Variants in COMTD1 observed in about 807,000 individuals in gnomAD.
COMTD1 encodes the protein catechol O-methyltransferase domain-containing protein 1.
A neutral mutation model predicts 33.6 loss-of-function variants in COMTD1; 35 were observed. That is an observed-to-expected ratio of 1.04 (90% CI 0.80 to 1.38). The LOEUF (loss-of-function observed/expected upper bound fraction) is 1.38. Among genes scored for constraint, COMTD1 ranks in the 40% most tolerant of loss-of-function variants. COMTD1 has a pLI of 0.00. For missense variants in COMTD1, 370 were observed against 363.4 expected, an observed-to-expected ratio of 1.02 and a Z score of -0.15; for synonymous variants, 160 against 176.8, an observed-to-expected ratio of 0.91 and a Z score of 0.75.
intron 6 of COMTD1, 77 bp from the exon 7 acceptor site, chr10:75,234,302 T>C: frequency 1.6e-6 from 2 of 1,218,014 alleles, no homozygotes; most frequent in Non-Finnish European, 2.2e-6. Context: ...GGCGGGGGAC[T>C]GGGAGGGAGG....
rs1381648403 is a variant in COMTD1, at chr10:75,235,617, A to C, written c.221T>G (p.Leu74Arg). 2 of 1,587,678 alleles carry C rather than the reference A, an allele frequency of 1.3e-6. No individual in the cohort carries two copies. Among genetic ancestry groups the C allele is most frequent in the South Asian group, 2.3e-5 (2 of 88,254 alleles). Residue 74 changes from leucine to arginine, a missense_variant and splice_region_variant, in exon 2 of 7, where the codon CTG becomes CGG. Coordinates refer to ENST00000372538, the MANE Select transcript of COMTD1 (RefSeq NM_144589.4). ...GTTTCCGTCCCGCGCCCTGCTGACC[A>C]GCCTCAGGCTTCGCAGCGCCGGGTG... ...REHPALRSLR[L>R]LTLEQPQGDS... is the part of the protein sequence containing the mutation.
Position 75,235,648 on chromosome 10 carries a change from G to GC in COMTD1, c.189dup (p.Arg64AlafsTer237). 1 of 1,595,530 alleles carries GC rather than the reference G, an allele frequency of 6.3e-7. No individual in the cohort carries two copies. ...AGGCTTCGCAGCGCCGGGTGCTCCC[G>GC]CATGGAGCGGCTCAGAAGATACTGC... On this transcript the variant is annotated frameshift_variant, in exon 2 of 7. Coordinates refer to ENST00000372538, the MANE Select transcript of COMTD1 (RefSeq NM_144589.4). LOFTEE classifies it high-confidence loss of function.
rs1842145777 is a variant in COMTD1, at chr10:75,233,846, T to C, written c.*227A>G. 3 of 1,170,916 alleles carry C rather than the reference T, an allele frequency of 2.6e-6. No homozygotes were observed. The highest frequency in any genetic ancestry group is 3.5e-6 in the Non-Finnish European group (3 of 864,472). 72.5% of individuals were successfully genotyped at this position (1,170,916 alleles called of 1,614,324 possible). ...CCTGCCAGCTGGAGGTTCCTGCAGTTGGGCCACAGACCTGGCGCCAGGGAG... is the reference window on the plus strand; with the variant it reads ...CCTGCCAGCTGGAGGTTCCTGCAGTCGGGCCACAGACCTGGCGCCAGGGAG... On this transcript the variant is annotated 3_prime_UTR_variant, in exon 7 of 7. Transcript: ENST00000372538.
chr10:75,235,882 A>G lies in COMTD1; in HGVS notation c.47T>C (p.Leu16Pro). The G allele has an allele frequency of 1.4e-6, 2 of 1,389,458 alleles. No homozygotes were observed. The highest frequency in any genetic ancestry group is 1.3e-5 in the South Asian group (1 of 78,808). 86.1% of individuals were successfully genotyped at this position (1,389,458 alleles called of 1,614,324 possible). A position where few individuals can be genotyped will look rare whatever the true frequency, so the allele number is the denominator to read the frequency against. The change falls in exon 1 of 7, where the codon CTG becomes CCG. Residue 16 changes from leucine to proline, a missense_variant. By Grantham distance (98) the Leu-to-Pro change is moderately conservative (BLOSUM62 -3). Transcript: ENST00000372538. ...GGCGGCGCCCAGTGCGGCTGAGCCCAGGGCCAGCGCGGCGGGCACGGAGAG... is the reference window on the plus strand; with the variant it reads ...GGCGGCGCCCAGTGCGGCTGAGCCCGGGGCCAGCGCGGCGGGCACGGAGAG... The part of the protein sequence containing the change: ...PRLSVPAALA[L>P]GSAALGAAFA...
In COMTD1 at chr10:75,234,981, C is replaced by A; in HGVS notation, c.459G>T (p.Glu153Asp). ...GRPLWRQAEA[E>D]HKIDLRLKPA... Reference sequence around the variant, plus strand: ...GCTTCAGCCGGAGGTCGATCTTGTGCTCCGCCTCGGCCTGCGGAGGGAGCG... The same window carrying A: ...GCTTCAGCCGGAGGTCGATCTTGTGATCCGCCTCGGCCTGCGGAGGGAGCG... The change falls in exon 5 of 7, where the codon GAG (glutamate) becomes GAT (aspartate). Residue 153 changes from glutamate (E) to aspartate (D), a missense_variant. By Grantham distance (45) the Glu-to-Asp change is conservative (BLOSUM62 2). Coordinates refer to ENST00000372538, the MANE Select transcript of COMTD1 (RefSeq NM_144589.4). The A allele has an allele frequency of 6.6e-7, 1 of 1,521,226 alleles. No homozygotes were observed. The highest frequency in any genetic ancestry group is 1.2e-5 in the South Asian group (1 of 80,512). The allele number at this position is 1,521,226 out of a possible 1,614,324, so 94.2% of individuals were successfully genotyped here. A position where few individuals can be genotyped will look rare whatever the true frequency, so the allele number is the denominator to read the frequency against.
Position 75,235,318 on chromosome 10 carries a change from G to T in COMTD1, c.277C>A (p.Leu93Ile). 6.3e-7 allele frequency: 1 copy of T among 1,594,624 alleles called. No homozygotes were observed. The change falls in exon 3 of 7, where the codon CTC becomes ATC. Residue 93 changes from leucine to isoleucine, a missense_variant. Leu to Ile is a conservative substitution (Grantham distance 5). Transcript: ENST00000372538. ...DSMMTCEQAQ[L>I]LANLARLIQA... ...ATGAGCCGCGCCAGGTTGGCCAAGA[G>T]CTGGGCCTGCTCGCAGGTCATCATA... is the stretch of plus-strand genomic sequence containing the variant.
Position 75,234,097 on chromosome 10 carries a change from T to A in COMTD1, c.765A>T (p.Gly255=), listed in dbSNP as rs1842149480. The A allele has an allele frequency of 6.2e-7, 1 of 1,613,894 alleles. No individual in the cohort carries two copies. Among genetic ancestry groups the A allele is most frequent in the Non-Finnish European group, 8.5e-7 (1 of 1,180,006 alleles). The change falls in exon 7 of 7, where the codon GGA becomes GGT. Residue 255 remains glycine, a synonymous_variant. Coordinates refer to ENST00000372538, the MANE Select transcript of COMTD1 (RefSeq NM_144589.4). ...VYISLLPLGD[G]LTLAFKI ...CCTAGATCTTGAAGGCCAAGGTGAG[T>A]CCATCGCCCAGGGGCAGGAGGCTGA...
At chr10:75,234,469 G>C (rs1162094240) in intron 6 of COMTD1, 141 bp downstream of exon 6, 42 of 1,301,992 alleles carry the variant, frequency 3.2e-5, no homozygotes, top group Non-Finnish European at 4.1e-5. Flanking sequence ...GAAAGCCTGG[G>C]TACCGGGGCC....
At chr10:75,235,019 C>A in intron 4 of COMTD1, 27 bp from the exon 5 acceptor site, 1 of 1,490,970 alleles carries the variant, frequency 6.7e-7, no homozygotes, top group Non-Finnish European at 8.9e-7. Context: ...TCAGCCGTTG[C>A]GCCCCCGCCT....
At position 75,234,189 on chromosome 10, in the gene COMTD1, C is replaced by CT. The variant is rs747259151; in HGVS notation, c.672dup (p.Gly225ArgfsTer76). The stretch of plus-strand genomic sequence containing the variant: ...CGCACACACTCGGCCGCCACGTCCC[C>CT]TTTCGGAGGTTGCAGCACCTTCCCG... On this transcript the variant is annotated frameshift_variant, in exon 7 of 7. Transcript: ENST00000372538. LOFTEE classifies it high-confidence loss of function. 42 of 1,613,314 alleles carry CT rather than the reference C, an allele frequency of 2.6e-5. No individual in the cohort carries two copies. The highest frequency in any genetic ancestry group is 5.0e-5 in the Admixed American group (3 of 60,012).
rs1341265964 is a variant in COMTD1 at position 75,235,690 on chromosome 10, CG to C, written c.147del (p.Glu50ArgfsTer10). 1.9e-6 allele frequency: 3 copies of C among 1,597,328 alleles called. No homozygotes were observed. In the African/African-American group the frequency reaches 4.0e-5, roughly 21 times the overall value. ...AGATACTGCCACAGGCGGCTGTCCT[CG>C]GGGGGAAGCAGGCACTGCTCTCGCC... ...RGRREQCLLP[P>X]EDSRLWQYLL... On this transcript the variant is annotated frameshift_variant, in exon 2 of 7. Coordinates refer to ENST00000372538, the MANE Select transcript of COMTD1 (RefSeq NM_144589.4). LOFTEE classifies it high-confidence loss of function.
Position 75,235,749 on chromosome 10 carries a change from G to C in COMTD1, c.95-6C>G. ...CCATGGGGGGCACCGCCTCCCTGACGGGGAGAGGGTGTTGGATTAACCTGA... is the reference window on the plus strand; with the variant it reads ...CCATGGGGGGCACCGCCTCCCTGACCGGGAGAGGGTGTTGGATTAACCTGA... On this transcript the variant is annotated splice_polypyrimidine_tract_variant and splice_region_variant and intron_variant, in intron 1 of 6. Transcript: ENST00000372538. The C allele has an allele frequency of 1.3e-6, 2 of 1,597,248 alleles. No individual in the cohort carries two copies. The highest frequency in any genetic ancestry group is 1.1e-5 in the South Asian group (1 of 88,634).
In COMTD1 at chr10:75,234,770, G is replaced by A. The variant is rs760930008; in HGVS notation, c.503-27C>T. 9.7e-5 allele frequency: 151 copies of A among 1,557,662 alleles called. 2 individuals carry two copies. The South Asian group carries it at 1.6e-3, about 16-fold the overall frequency. The stretch of plus-strand genomic sequence containing the variant: ...TTGCGGGGGGAGGGAGGGCAGGTGC[G>A]GCTGAGTCCGCGGCCCCGGCGGCCC... On this transcript the variant is annotated intron_variant, in intron 5 of 6. Transcript: ENST00000372538.
At position 75,235,720 on chromosome 10, in the gene COMTD1, C is replaced by T. The variant is rs1396723840; in HGVS notation, c.118G>A (p.Gly40Ser). The change falls in exon 2 of 7, where the codon GGC (glycine) becomes AGC (serine). Residue 40 changes from glycine to serine, a missense_variant. By Grantham distance (56) the Gly-to-Ser change is moderately conservative. Coordinates refer to ENST00000372538, the MANE Select transcript of COMTD1 (RefSeq NM_144589.4). The part of the protein sequence containing the change: ...FLGRRCPPWR[G>S]RREQCLLPPE... ...GGAAGCAGGCACTGCTCTCGCCGGC[C>T]TCGCCATGGGGGGCACCGCCTCCCT... 6.2e-7 allele frequency: 1 copy of T among 1,601,410 alleles called. No individual in the cohort carries two copies. The highest frequency in any genetic ancestry group is 1.1e-5 in the South Asian group (1 of 89,188).
At position 75,235,191 on chromosome 10, in the gene COMTD1, C is replaced by T; in HGVS notation, c.329-13G>A. 7.0e-7 allele frequency: 1 copy of T among 1,429,666 alleles called. No homozygotes were observed. Among genetic ancestry groups the T allele is most frequent in the Non-Finnish European group, 9.1e-7 (1 of 1,095,800 alleles). 88.6% of individuals were successfully genotyped at this position (1,429,666 alleles called of 1,614,324 possible). A position where few individuals can be genotyped will look rare whatever the true frequency, so the allele number is the denominator to read the frequency against. On this transcript the variant is annotated splice_polypyrimidine_tract_variant and intron_variant, in intron 3 of 6. Transcript: ENST00000372538. The stretch of plus-strand genomic sequence containing the variant: ...CCCGTGAAGGTGCCTGGGACCAGGA[C>T]ACAGACGGGCTCAGCCCAGAGTGGG...
Position 75,233,847 on chromosome 10 carries a change from G to T in COMTD1, c.*226C>A. 8.5e-7 allele frequency: 1 copy of T among 1,173,760 alleles called. No homozygotes were observed. The highest frequency in any genetic ancestry group is 1.2e-6 in the Non-Finnish European group (1 of 867,096). 72.7% of individuals were successfully genotyped at this position (1,173,760 alleles called of 1,614,324 possible). Reference sequence around the variant, plus strand: ...CTGCCAGCTGGAGGTTCCTGCAGTTGGGCCACAGACCTGGCGCCAGGGAGG... The same window carrying T: ...CTGCCAGCTGGAGGTTCCTGCAGTTTGGCCACAGACCTGGCGCCAGGGAGG... On this transcript the variant is annotated 3_prime_UTR_variant, in exon 7 of 7. Coordinates refer to ENST00000372538, the MANE Select transcript of COMTD1 (RefSeq NM_144589.4).
Position 75,234,755 on chromosome 10 carries a change from A to C in COMTD1, c.503-12T>G, listed in dbSNP as rs1412649760. On this transcript the variant is annotated splice_polypyrimidine_tract_variant and intron_variant, in intron 5 of 6. Coordinates refer to ENST00000372538, the MANE Select transcript of COMTD1 (RefSeq NM_144589.4). ...CGCCAGCAGCTCGTCTTGCGGGGGG[A>C]GGGAGGGCAGGTGCGGCTGAGTCCG... The C allele has an allele frequency of 3.2e-6, 5 of 1,569,270 alleles. No homozygotes were observed. Among genetic ancestry groups the C allele is most frequent in the Non-Finnish European group, 4.3e-6 (5 of 1,159,152 alleles).
chr10:75,235,797 G>GGGGGGGGC, intron 1 of COMTD1, 38 bp downstream of exon 1: 1 of 1,538,642 alleles, frequency 6.5e-7, no homozygotes, highest in Non-Finnish European at 8.8e-7. Flanking sequence ...CCTACTCTGC[G>GGGGGGGGC]CCCGCCCACC....
chr10:75,235,937 C>A lies in COMTD1; in HGVS notation c.-9G>T. On this transcript the variant is annotated 5_prime_UTR_variant, in exon 1 of 7. Coordinates refer to ENST00000372538, the MANE Select transcript of COMTD1 (RefSeq NM_144589.4). ...GGCACCGGCTGGGTCATGGCGCGGG[C>A]AGGAGGCGGCGGGAGGCAGTGACAG... 6.9e-7 allele frequency: 1 copy of A among 1,442,704 alleles called. No individual in the cohort carries two copies. Among genetic ancestry groups the A allele is most frequent in the South Asian group, 1.4e-5 (1 of 70,704 alleles). 89.4% of individuals were successfully genotyped at this position (1,442,704 alleles called of 1,614,324 possible).
Sources: gnomAD v4.1 joint callset for allele counts on GRCh38, gnomAD v4.1.1 for gene constraint, MANE v1.5 for transcripts, NCBI Gene and HGNC (gene_info 2026-07-23, HGNC 2026-07-21) for gene names.